IFT88: variants seen among roughly 807,000 people sequenced by gnomAD.
IFT88 encodes intraflagellar transport 88, also known as intraflagellar transport protein 88 homolog.
A neutral mutation model predicts 119.5 loss-of-function variants in IFT88; 74 were observed. The observed-to-expected ratio is 0.62, with a 90% CI of 0.51 to 0.75. The LOEUF is 0.75. IFT88 is among the 30% of genes least tolerant of loss of function. The pLI, the probability that IFT88 is intolerant of heterozygous loss-of-function variation, is 0.00. For synonymous variants in IFT88, 279 were observed against 316.7 expected (o/e 0.88, Z 1.26); for missense variants, 961 against 977.7 (o/e 0.98, Z 0.23).
At chr13:20,599,656 A>T (rs562758198) in intron 11 of IFT88, 91 bp downstream of exon 11, 1 of 636,826 alleles carries the variant, frequency 1.6e-6, no homozygotes, top group South Asian at 2.0e-5. Context: ...TGGGTTGAAC[A>T]TTTCAAAGTG....
At chr13:20,623,906 G>A (rs948495954) in intron 14 of IFT88, among the ~76,000 whole-genome samples, 5 of 152,154 alleles carry the variant, frequency 3.3e-5, no homozygotes, top group South Asian at 2.1e-4. Context: ...CGATGGAATT[G>A]TACTCTTAAT....
intron 3 of IFT88, 40 bp downstream of exon 3, chr13:20,583,059 A>C: frequency 8.0e-7 from 1 of 1,242,902 alleles, no homozygotes; most frequent in Non-Finnish European, 1.2e-6. Context: ...GGTAAAAAAT[A>C]CATAACATGA....
At chr13:20,679,978 C>T (rs2141149678) in intron 24 of IFT88, among the ~76,000 whole-genome samples, 1 of 152,274 alleles carries the variant, frequency 6.6e-6, no homozygotes, top group Middle Eastern at 3.4e-3. Flanking sequence ...AGGTGAGCCT[C>T]ATAAATGCCC....
intron 24 of IFT88, among the ~76,000 whole-genome samples, chr13:20,680,090 G>T (rs1270588238): frequency 6.6e-6 from 1 of 152,176 alleles, no homozygotes; most frequent in Non-Finnish European, 1.5e-5. Flanking sequence ...CATTTTTGCT[G>T]ACCATGTCCA....
chr13:20,677,672 C>T (rs372196991), intron 24 of IFT88, among the ~76,000 whole-genome samples: 1 of 152,208 alleles, frequency 6.6e-6, no homozygotes, highest in Non-Finnish European at 1.5e-5. Context: ...TAAACAAATA[C>T]TTCCTCATAC....
chr13:20,686,826 T>C (rs2057965134), intron 24 of IFT88, among the ~76,000 whole-genome samples: 1 of 152,118 alleles, frequency 6.6e-6, no homozygotes, highest in Non-Finnish European at 1.5e-5. Context: ...AATTCATTTT[T>C]ATTTGGAGAG....
At chr13:20,631,578 A>C (rs1306114594) in intron 16 of IFT88, 1 of 153,738 alleles carries the variant, frequency 6.5e-6, no homozygotes, top group Non-Finnish European at 1.4e-5. Flanking sequence ...GTAGACTAGG[A>C]AGGAAGGTTT....
intron 24 of IFT88, among the ~76,000 whole-genome samples, chr13:20,687,512 C>T (rs541378358): frequency 6.0e-4 from 92 of 152,314 alleles, no homozygotes; most frequent in African/African-American, 1.9e-3. Flanking sequence ...ACCAACTATG[C>T]ACTCTTGAAC....
chr13:20,632,483 A>G lies in IFT88; in HGVS notation c.1386+1381A>G, dbSNP rs143381483. Among the ~76,000 whole-genome samples the G allele has an allele frequency of 4.6e-4, 70 of 152,312 alleles. 1 individual carries two copies. Among genetic ancestry groups the G allele is most frequent in the African/African-American group, 1.6e-3 (66 of 41,570 alleles). On this transcript the variant is annotated intron_variant, in intron 16 of 25. Transcript: ENST00000351808. ...TAACTCTGCCTTAGCCACTAACTCG[A>G]ATTTCCAGCGTCTTGGGTTTTGCTT...
intron 1 of IFT88, among the ~76,000 whole-genome samples, chr13:20,573,037 A>G (rs891676143): frequency 1.3e-5 from 2 of 152,136 alleles, no homozygotes; most frequent in African/African-American, 4.8e-5. Context: ...GAATAAAGCT[A>G]TGACAAAGAA....
At chr13:20,574,580 C>T in intron 2 of IFT88, 105 bp downstream of exon 2, 1 of 536,964 alleles carries the variant, frequency 1.9e-6, no homozygotes, top group Non-Finnish European at 3.3e-6. Flanking sequence ...ATTAAATAAG[C>T]TGATTCAAAA....
intron 14 of IFT88, among the ~76,000 whole-genome samples, chr13:20,619,346 G>A (rs1387744954): frequency 6.6e-6 from 1 of 152,192 alleles, no homozygotes; most frequent in Non-Finnish European, 1.5e-5. Flanking sequence ...GCTCTGAAGA[G>A]TGACTGATGT....
chr13:20,646,587 G>C (rs2050791769), intron 20 of IFT88, among the ~76,000 whole-genome samples: 1 of 151,942 alleles, frequency 6.6e-6, no homozygotes, highest in Admixed American at 6.6e-5. Context: ...CAAAGTGCTG[G>C]GATTACAGGC....
At chr13:20,603,862 C>T (rs1309090917) in intron 12 of IFT88, among the ~76,000 whole-genome samples, 1 of 152,034 alleles carries the variant, frequency 6.6e-6, no homozygotes, top group African/African-American at 2.4e-5. Context: ...CACACCCCTG[C>T]ACACTAGCTT....
chr13:20,637,832 T>G (rs1397147513), intron 16 of IFT88, among the ~76,000 whole-genome samples: 1 of 152,140 alleles, frequency 6.6e-6, no homozygotes, highest in East Asian at 1.9e-4. Flanking sequence ...GCACAGATGG[T>G]CACAATATTT....
At chr13:20,620,214 T>G (rs1269032865) in intron 14 of IFT88, among the ~76,000 whole-genome samples, 1 of 152,150 alleles carries the variant, frequency 6.6e-6, no homozygotes, top group Non-Finnish European at 1.5e-5. Context: ...TTTTCTTTTC[T>G]CTCTCTTTTC....
intron 14 of IFT88, among the ~76,000 whole-genome samples, chr13:20,623,755 G>A (rs544944448): frequency 6.6e-6 from 1 of 152,130 alleles, no homozygotes; most frequent in African/African-American, 2.4e-5. Context: ...GATTACAGGC[G>A]TGAGCCACCA....
At chr13:20,605,266 C>T (rs967126653) in intron 13 of IFT88, among the ~76,000 whole-genome samples, 161 bp downstream of exon 13, 2 of 152,034 alleles carry the variant, frequency 1.3e-5, no homozygotes, top group East Asian at 3.8e-4. Flanking sequence ...TTGTTATATT[C>T]AATATATTTC....
At chr13:20,665,074 G>A (rs762221905) in intron 23 of IFT88, among the ~76,000 whole-genome samples, 29 of 137,218 alleles carry the variant, frequency 2.1e-4, no homozygotes, top group African/African-American at 4.3e-4. Flanking sequence ...GCGACACTCC[G>A]TCTCAAAAAA....
Sources: allele counts gnomAD v4.1 joint callset (sites outside exome capture counted in the v4.1 genomes callset), GRCh38; gene constraint gnomAD v4.1.1; transcripts MANE v1.5; gene names NCBI Gene and HGNC (gene_info 2026-07-23, HGNC 2026-07-21).